RERE: variants seen among roughly 807,000 people sequenced by gnomAD.
RERE encodes arginine-glutamic acid dipeptide repeats protein.
Under a neutral mutation model 146.1 loss-of-function variants are expected in RERE, and 40 were observed. That is an observed-to-expected ratio of 0.27 (90% CI 0.21 to 0.36). The LOEUF is 0.36. Among genes scored for constraint, RERE ranks in the 10% least tolerant of loss-of-function variants. RERE has a pLI of 1.00. For missense variants in RERE, 1,933 were observed against 2,138.7 expected (o/e 0.90, Z 1.90); for synonymous variants, 1,003 against 866.0 (o/e 1.16, Z -2.78).
intron 1 of RERE, among the ~76,000 whole-genome samples, chr1:8,790,629 G>T (rs1285073384): frequency 5.3e-5 from 8 of 152,200 alleles, no homozygotes; most frequent in Admixed American, 3.9e-4. Context: ...TGTTATCCAG[G>T]CTGCAGTGTA....
intron 1 of RERE, among the ~76,000 whole-genome samples, chr1:8,660,788 C>G (rs1448786904): frequency 6.6e-6 from 1 of 152,196 alleles, no homozygotes; most frequent in African/African-American, 2.4e-5. Context: ...GTGTCAATCA[C>G]TACCCAACCC....
intron 12 of RERE, among the ~76,000 whole-genome samples, chr1:8,406,567 G>A (rs956299684): frequency 2.6e-5 from 4 of 152,134 alleles, no homozygotes; most frequent in South Asian, 2.1e-4. Flanking sequence ...TCTGGGTAAA[G>A]AATATATGGG....
At chr1:8,416,544 T>C (rs1269970861) in intron 12 of RERE, among the ~76,000 whole-genome samples, 3 of 126,420 alleles carry the variant, frequency 2.4e-5, no homozygotes, top group South Asian at 2.4e-4. Flanking sequence ...CGAGACTGCA[T>C]AACTGCACTC....
chr1:8,550,587 C>T (rs1236030510), intron 6 of RERE, among the ~76,000 whole-genome samples: 1 of 152,130 alleles, frequency 6.6e-6, no homozygotes. Flanking sequence ...CGCTCTGTCA[C>T]CCAGGCTGGA....
chr1:8,406,712 A>G (rs1643449137), intron 12 of RERE, among the ~76,000 whole-genome samples: 1 of 152,236 alleles, frequency 6.6e-6, no homozygotes, highest in Admixed American at 6.5e-5. Flanking sequence ...ATTTGTGTGT[A>G]TCTGTATGTG....
At chr1:8,493,273 C>T (rs906404181) in intron 10 of RERE, among the ~76,000 whole-genome samples, 3 of 152,156 alleles carry the variant, frequency 2.0e-5, no homozygotes, top group Non-Finnish European at 4.4e-5. Context: ...ATCTTAAAGG[C>T]CCCTTCTGGC....
At chr1:8,355,220 C>A in intron 22 of RERE, 100 bp from the exon 23 acceptor site, 1 of 1,311,324 alleles carries the variant, frequency 7.6e-7, no homozygotes, top group Non-Finnish European at 1.1e-6. Context: ...GCAATCCAAC[C>A]CCAAGCCCGC....
chr1:8,601,772 C>CACACACACACAA (rs1398992197), intron 4 of RERE, among the ~76,000 whole-genome samples: 4 of 138,890 alleles, frequency 2.9e-5, no homozygotes, highest in African/African-American at 1.0e-4. Flanking sequence ...CACACACACA[C>CACACACACACAA]ACACAAACAC....
At chr1:8,759,838 T>TACACACACACACACACACAC (rs369646175) in intron 1 of RERE, among the ~76,000 whole-genome samples, 4 of 142,230 alleles carry the variant, frequency 2.8e-5, no homozygotes, top group South Asian at 2.3e-4. Flanking sequence ...ACTCTCTCTA[T>TACACACACACACACACACAC]ACACACACAC....
rs760970968 is a variant in RERE at position 8,360,270 on chromosome 1, G to A, written c.3237C>T (p.Ser1079=). The A allele has an allele frequency of 6.4e-7, 1 of 1,570,642 alleles. No individual in the cohort carries two copies. ...PCSGAAASGG[S]IAGGSSCPLP... ...GTGGGCAGGACGACCCCCCCGCTAT[G>A]CTGCCTCCTGAAGCCGCCGCACCAG... The change falls in exon 18 of 23, where the codon AGC becomes AGT. Residue 1079 remains serine, a synonymous_variant. Transcript: ENST00000400908.
At position 8,750,595 on chromosome 1, in the gene RERE, C is replaced by T; in HGVS notation, c.-145+66565G>A. 5 of 1,003,524 alleles carry T rather than the reference C, an allele frequency of 5.0e-6. No individual in the cohort carries two copies. In the South Asian group the frequency reaches 5.1e-5, roughly 10 times the overall value. 62.2% of individuals were successfully genotyped at this position (1,003,524 alleles called of 1,614,324 possible). ...AGCTTATTTATGAAAAAGCAAAGCACTATCACAAGGAATATAGGCAGATGT... is the reference window on the plus strand; with the variant it reads ...AGCTTATTTATGAAAAAGCAAAGCATTATCACAAGGAATATAGGCAGATGT... On this transcript the variant is annotated intron_variant, in intron 1 of 22. Transcript: ENST00000400908.
At position 8,423,834 on chromosome 1, in the gene RERE, G is replaced by A. The variant is rs959746599; in HGVS notation, c.1204-1027C>T. The A allele has an allele frequency of 8.5e-6, 3 of 352,732 alleles. No individual in the cohort carries two copies. The highest frequency in any genetic ancestry group is 4.5e-5 in the African/African-American group (2 of 44,692). 21.9% of individuals were successfully genotyped at this position (352,732 alleles called of 1,614,324 possible). ...CGGCCGCGGGCGGCTGCAAAAGGCG[G>A]CCTGGATTGCCGCCGCCCTCCTGTC... On this transcript the variant is annotated intron_variant, in intron 11 of 22. Transcript: ENST00000400908. The surrounding 1 kb of genome is among the most constrained non-coding windows in gnomAD (Gnocchi z 5.4).
At chr1:8,816,383 GTT>G (rs879804139) in intron 1 of RERE, among the ~76,000 whole-genome samples, 3 of 152,178 alleles carry the variant, frequency 2.0e-5, no homozygotes, top group Non-Finnish European at 4.4e-5. Flanking sequence ...TTAAATCAAT[GTT>G]TGAAGTCTGT....
intron 11 of RERE, among the ~76,000 whole-genome samples, chr1:8,447,997 T>C (rs1644343454): frequency 1.3e-5 from 2 of 152,208 alleles, no homozygotes; most frequent in Admixed American, 1.3e-4. Flanking sequence ...CTCATGCCTA[T>C]GTCATGTCGT....
At chr1:8,398,196 C>G (rs1643121434) in intron 12 of RERE, among the ~76,000 whole-genome samples, 1 of 152,216 alleles carries the variant, frequency 6.6e-6, no homozygotes, top group East Asian at 1.9e-4. Context: ...CAGAACACTG[C>G]AGGAAGAAAT....
chr1:8,372,282 C>T (rs1391682793), intron 12 of RERE, among the ~76,000 whole-genome samples: 1 of 152,114 alleles, frequency 6.6e-6, no homozygotes, highest in African/African-American at 2.4e-5. Context: ...GACATGGAGG[C>T]AGGAGAAGGT....
chr1:8,538,271 T>C (rs2124383945), intron 7 of RERE, among the ~76,000 whole-genome samples: 1 of 152,284 alleles, frequency 6.6e-6, no homozygotes, highest in South Asian at 2.1e-4. Flanking sequence ...TACAGTACAC[T>C]ATGTAGCCAC....
rs1167501074 is a variant in RERE at position 8,607,534 on chromosome 1, CTTTTTTTTTTTT to C, written c.522+7015_522+7026del. Among the ~76,000 whole-genome samples, 234 of 48,600 alleles carry C rather than the reference CTTTTTTTTTTTT, an allele frequency of 4.8e-3. 3 individuals carry two copies. Among genetic ancestry groups the C allele is most frequent in the African/African-American group, 0.016 (189 of 11,678 alleles). 31.9% of individuals were successfully genotyped at this position (48,600 alleles called of 152,430 possible). On this transcript the variant is annotated intron_variant, in intron 4 of 22. Coordinates refer to ENST00000400908, the MANE Select transcript of RERE (RefSeq NM_001042681.2). ...CGCATATTTGTTTTTATATATATTT[CTTTTTTTTTTTT>C]TTTTTTTTTTTTTTTTTGAGACGGA... is the stretch of plus-strand genomic sequence containing the variant.
At chr1:8,418,639 T>G (rs1010272106) in intron 12 of RERE, among the ~76,000 whole-genome samples, 1 of 152,228 alleles carries the variant, frequency 6.6e-6, no homozygotes, top group African/African-American at 2.4e-5. Context: ...ATAACTGATA[T>G]GTCCTCAGAG....
Sources: allele counts gnomAD v4.1 joint callset (sites outside exome capture counted in the v4.1 genomes callset), GRCh38; gene constraint gnomAD v4.1.1; non-coding constraint Gnocchi (gnomAD v3.1); transcripts MANE v1.5; gene names NCBI Gene and HGNC (gene_info 2026-07-23, HGNC 2026-07-21).